Variants in FGGY observed in about 807,000 individuals in gnomAD.
The protein encoded by FGGY is FGGY carbohydrate kinase domain-containing protein.
FGGY carries 72 observed loss-of-function variants against 71.3 expected under a neutral mutation model. The ratio of observed to expected loss-of-function variants is 1.01; its 90% CI spans 0.84 to 1.23. The LOEUF (loss-of-function observed/expected upper bound fraction) is 1.23. FGGY is among the 50% of genes most tolerant of loss of function. The pLI, the probability that FGGY is intolerant of heterozygous loss-of-function variation, is 0.00. For synonymous variants in FGGY, 251 were observed against 250.3 expected (o/e 1.00, Z -0.02); for missense variants, 668 against 682.3 (o/e 0.98, Z 0.23).
intron 6 of FGGY, among the ~76,000 whole-genome samples, chr1:59,507,641 C>T (rs1472842222): frequency 6.6e-6 from 1 of 151,032 alleles, no homozygotes; most frequent in Non-Finnish European, 1.5e-5. Flanking sequence ...CTTCAGCCTC[C>T]CAAGCAGCTG....
chr1:59,721,023 AT>A (rs1364625726), intron 14 of FGGY, among the ~76,000 whole-genome samples: 3 of 151,822 alleles, frequency 2.0e-5, no homozygotes, highest in Non-Finnish European at 4.4e-5. Flanking sequence ...CTTTCCGTTG[AT>A]TTTTTCATTG....
At chr1:59,621,459 CAAAA>C (rs56172542) in intron 9 of FGGY, among the ~76,000 whole-genome samples, 1 of 98,802 alleles carries the variant, frequency 1.0e-5, no homozygotes, top group African/African-American at 3.8e-5. Flanking sequence ...GCCTCCGTCT[CAAAA>C]AAAAAAAAAA....
Position 59,660,304 on chromosome 1 carries a change from G to A in FGGY, c.1296+11G>A. 3.1e-6 allele frequency: 5 copies of A among 1,610,150 alleles called. No homozygotes were observed. Among genetic ancestry groups the A allele is most frequent in the African/African-American group, 1.3e-5 (1 of 74,988 alleles). ...GTTCAAGCCATTGCTGTAAGATACT[G>A]TAATGCCATTTTTAAAGAGACTTAG... On this transcript the variant is annotated intron_variant, in intron 12 of 15. Transcript: ENST00000303721.
intron 7 of FGGY, among the ~76,000 whole-genome samples, chr1:59,514,526 C>T (rs1049398565): frequency 6.6e-6 from 1 of 152,158 alleles, no homozygotes; most frequent in African/African-American, 2.4e-5. Flanking sequence ...TTTTGTTCCC[C>T]GTAAAATGCA....
chr1:59,590,778 G>T (rs1187806788), intron 8 of FGGY, among the ~76,000 whole-genome samples: 6 of 152,150 alleles, frequency 3.9e-5, no homozygotes, highest in Non-Finnish European at 7.3e-5. Flanking sequence ...AGGTATTGAT[G>T]GGACGTATCT....
intron 14 of FGGY, among the ~76,000 whole-genome samples, chr1:59,735,660 T>G (rs2098095060): frequency 6.6e-6 from 1 of 152,244 alleles, no homozygotes; most frequent in South Asian, 2.1e-4. Flanking sequence ...CTTAGCAAAA[T>G]TAAGAATGCT....
At chr1:59,697,686 A>G in intron 14 of FGGY, 1 of 1,303,816 alleles carries the variant, frequency 7.7e-7, no homozygotes, top group Non-Finnish European at 1.0e-6. Flanking sequence ...CGATAGCAGC[A>G]ATGGGAAGCA....
chr1:59,416,236 T>A (rs56357248), intron 5 of FGGY, among the ~76,000 whole-genome samples: 1 of 151,992 alleles, frequency 6.6e-6, no homozygotes, highest in African/African-American at 2.4e-5. Flanking sequence ...TCTTGGGGGA[T>A]GAAAAAGATC....
chr1:59,649,330 T>A lies in FGGY; in HGVS notation c.1222-10889T>A, dbSNP rs2097132882. Among the ~76,000 whole-genome samples the A allele has an allele frequency of 5.0e-5, 7 of 138,764 alleles. No homozygotes were observed. In the South Asian group the frequency reaches 1.7e-3, roughly 34 times the overall value. 91.0% of individuals were successfully genotyped at this position (138,764 alleles called of 152,430 possible). A position where few individuals can be genotyped will look rare whatever the true frequency, so the allele number is the denominator to read the frequency against. On this transcript the variant is annotated intron_variant, in intron 11 of 15. Transcript: ENST00000303721. ...ATGGGGATGGCATTGAATCTGTAAA[T>A]TACCTTGGGCAGTATGGCCATTTTC... is the stretch of plus-strand genomic sequence containing the variant.
chr1:59,378,711 A>G (rs1216723829), intron 4 of FGGY, 38 bp from the exon 5 acceptor site: 1 of 1,566,470 alleles, frequency 6.4e-7, no homozygotes, highest in Non-Finnish European at 8.7e-7. Context: ...TGGTAGAAAA[A>G]CCCCCTAATT....
chr1:59,331,495 C>T (rs938670537), intron 2 of FGGY, among the ~76,000 whole-genome samples: 3 of 152,248 alleles, frequency 2.0e-5, no homozygotes, highest in African/African-American at 4.8e-5. Flanking sequence ...AACACTCTTC[C>T]CCCAGATTTC....
chr1:59,616,120 G>A (rs1257039107), intron 9 of FGGY, among the ~76,000 whole-genome samples: 2 of 152,176 alleles, frequency 1.3e-5, no homozygotes, highest in Admixed American at 1.3e-4. Context: ...ATTTGACCCA[G>A]CCATCCCATT....
intron 7 of FGGY, among the ~76,000 whole-genome samples, chr1:59,524,497 G>T (rs974400582): frequency 6.6e-6 from 1 of 152,088 alleles, no homozygotes; most frequent in African/African-American, 2.4e-5. Context: ...GCTTTTTCTG[G>T]GTCCACCCAT....
At chr1:59,355,306 AAAGTT>A (rs1229308840) in intron 4 of FGGY, among the ~76,000 whole-genome samples, 1 of 152,226 alleles carries the variant, frequency 6.6e-6, no homozygotes, top group Non-Finnish European at 1.5e-5. Context: ...AAAGGGAAGA[AAAGTT>A]AGAAGACTAA....
intron 7 of FGGY, among the ~76,000 whole-genome samples, chr1:59,513,661 T>C (rs1371599835): frequency 6.6e-6 from 1 of 152,236 alleles, no homozygotes; most frequent in African/African-American, 2.4e-5. Flanking sequence ...TGTGAACTCC[T>C]TGAGAACAGG....
intron 7 of FGGY, among the ~76,000 whole-genome samples, chr1:59,528,485 G>GC (rs1205799859): frequency 1.3e-5 from 2 of 152,206 alleles, no homozygotes; most frequent in African/African-American, 4.8e-5. Context: ...AGCGTTAACA[G>GC]CTGTAGATGA....
intron 7 of FGGY, 79 bp downstream of exon 7, chr1:59,512,518 G>A: frequency 6.9e-7 from 1 of 1,440,190 alleles, no homozygotes; most frequent in Non-Finnish European, 9.3e-7. Flanking sequence ...CTCCTTTTCT[G>A]TTTTTAAAGC....
intron 2 of FGGY, among the ~76,000 whole-genome samples, chr1:59,330,569 A>G (rs951744653): frequency 2.2e-5 from 2 of 90,578 alleles, no homozygotes; most frequent in African/African-American, 6.1e-5. Context: ...ACTCCATCTC[A>G]AAAAAAAAAA....
chr1:59,739,848 ACT>A (rs1185854892), intron 14 of FGGY, among the ~76,000 whole-genome samples: 1 of 152,020 alleles, frequency 6.6e-6, no homozygotes, highest in Non-Finnish European at 1.5e-5. Context: ...GGCTTCTACC[ACT>A]CTATACTAAT....
Sources: gnomAD v4.1 joint callset for allele counts (sites outside exome capture counted in the v4.1 genomes callset) on GRCh38, gnomAD v4.1.1 for gene constraint, MANE v1.5 for transcripts, NCBI Gene and HGNC (gene_info 2026-07-23, HGNC 2026-07-21) for gene names.